The following NAV3 variants were observed in gnomAD, a reference collection of about 807,000 sequenced individuals.
NAV3 encodes the protein neuron navigator 3.
Under a neutral mutation model 244.7 loss-of-function variants are expected in NAV3, and 87 were observed. The observed-to-expected ratio is 0.36, with a 90% CI of 0.30 to 0.42. The LOEUF is 0.42. Among genes scored for constraint, NAV3 ranks in the 20% least tolerant of loss-of-function variants. The probability of loss-of-function intolerance (pLI) is 1.00; values close to 1 mark genes in which losing one functional copy is unlikely to be tolerated. For missense variants in NAV3, 2,663 were observed against 2,893.3 expected, an observed-to-expected ratio of 0.92 and a Z score of 1.83; for synonymous variants, 1,126 against 1,042.2, an observed-to-expected ratio of 1.08 and a Z score of -1.55.
chr12:78,091,901 A>G (rs1389321733), intron 12 of NAV3, among the ~76,000 whole-genome samples: 1 of 152,078 alleles, frequency 6.6e-6, no homozygotes, highest in Non-Finnish European at 1.5e-5. Context: ...CAGAATCACT[A>G]TCCTGCATAG....
chr12:77,673,654 G>A (rs1874086088), intron 2 of NAV3, among the ~76,000 whole-genome samples: 1 of 151,924 alleles, frequency 6.6e-6, no homozygotes, highest in Non-Finnish European at 1.5e-5. Flanking sequence ...TATGGTGTTT[G>A]ATATCAAACC....
In NAV3 at chr12:77,693,058, A is replaced by G. The variant is rs543875157; in HGVS notation, c.72+120792A>G. Among the ~76,000 whole-genome samples, 7 of 152,244 alleles carry G rather than the reference A, an allele frequency of 4.6e-5. No homozygotes were observed. The South Asian group carries it at 1.0e-3, about 23-fold the overall frequency. On this transcript the variant is annotated intron_variant, in intron 2 of 8. Transcript: ENST00000550042. ...CAGCGTGTATAAAAGCCCTCCAAAA[A>G]ATAGAAAGAAAGCCAAAGTGTCCAG... is the stretch of plus-strand genomic sequence containing the variant.
At chr12:78,183,273 C>A (rs993602986) in intron 30 of NAV3, among the ~76,000 whole-genome samples, 3 of 151,970 alleles carry the variant, frequency 2.0e-5, no homozygotes, top group Non-Finnish European at 4.4e-5. Flanking sequence ...ATTCTCTGAA[C>A]TGGGGAGATT....
At chr12:77,588,637 C>G (rs1480875917) in intron 2 of NAV3, among the ~76,000 whole-genome samples, 1 of 152,096 alleles carries the variant, frequency 6.6e-6, no homozygotes, top group East Asian at 1.9e-4. Flanking sequence ...AGTACCTAGC[C>G]TAGGGCCTAG....
At position 78,117,374 on chromosome 12, in the gene NAV3, AT is replaced by A. The variant is rs1288460964; in HGVS notation, c.2769+474del. On this transcript the variant is annotated intron_variant, in intron 13 of 39. Transcript: ENST00000397909. ...AATATATAACATATAATAGATATAT[AT>A]TTTATATATTATATAAATATATATT... is the stretch of plus-strand genomic sequence containing the variant. Among the ~76,000 whole-genome samples, 21 of 144,850 alleles carry A rather than the reference AT, an allele frequency of 1.4e-4. No individual in the cohort carries two copies. In the East Asian group the frequency reaches 4.2e-3, roughly 29 times the overall value.
chr12:77,608,401 G>T (rs1362742419), intron 2 of NAV3, among the ~76,000 whole-genome samples: 1 of 152,052 alleles, frequency 6.6e-6, no homozygotes, highest in Non-Finnish European at 1.5e-5. Flanking sequence ...CAAGTCCTTA[G>T]TAGAATTAAT....
intron 22 of NAV3, among the ~76,000 whole-genome samples, chr12:78,151,606 T>G (rs395765): frequency 0.33 from 50,560 of 151,682 alleles, 8,792 homozygotes; most frequent in East Asian, 0.48. Flanking sequence ...GAGAACAGAT[T>G]AGTGATTGCT....
chr12:77,789,122 T>G (rs548832496), intron 2 of NAV3, among the ~76,000 whole-genome samples: 1 of 152,238 alleles, frequency 6.6e-6, no homozygotes, highest in Non-Finnish European at 1.5e-5. Flanking sequence ...CTTTAATCAT[T>G]ATTTTGCTTG....
chr12:77,954,347 C>A (rs190557251), intron 3 of NAV3, among the ~76,000 whole-genome samples: 1 of 152,088 alleles, frequency 6.6e-6, no homozygotes, highest in Non-Finnish European at 1.5e-5. Flanking sequence ...TCAGAGGCTG[C>A]GAATAGCTTA....
intron 1 of NAV3, among the ~76,000 whole-genome samples, chr12:77,919,181 G>T (rs985003744): frequency 2.0e-5 from 3 of 152,126 alleles, no homozygotes; most frequent in South Asian, 4.1e-4. Flanking sequence ...TTATGTCTAT[G>T]GCCAGAGAAA....
intron 4 of NAV3, among the ~76,000 whole-genome samples, chr12:77,967,677 A>AT (rs1313513488): frequency 5.9e-5 from 9 of 151,840 alleles, no homozygotes; most frequent in South Asian, 4.2e-4. Context: ...CTCTTTTCCT[A>AT]TTTTTTTAAG....
chr12:78,192,415 T>G (rs1959023171), intron 34 of NAV3, among the ~76,000 whole-genome samples: 1 of 150,284 alleles, frequency 6.7e-6, no homozygotes, highest in Non-Finnish European at 1.5e-5. Context: ...TTTTATTTAT[T>G]TTTTTTTTGA....
chr12:77,997,391 G>A (rs1872544561), intron 6 of NAV3, among the ~76,000 whole-genome samples: 1 of 151,760 alleles, frequency 6.6e-6, no homozygotes. Context: ...TTACATAATC[G>A]GTCATTGAAA....
chr12:78,210,566 C>T lies in NAV3; in HGVS notation c.*49C>T, dbSNP rs757324672. On this transcript the variant is annotated 3_prime_UTR_variant, in exon 40 of 40. Coordinates refer to ENST00000397909, the MANE Select transcript of NAV3 (RefSeq NM_001024383.2). Reference sequence around the variant, plus strand: ...AGACTTTGCTTTTAAAAAAATGTTTCAAAAGAAAGGTATTTTCACTAAACC... The same window carrying T: ...AGACTTTGCTTTTAAAAAAATGTTTTAAAAGAAAGGTATTTTCACTAAACC... 64 of 1,598,180 alleles carry T rather than the reference C, an allele frequency of 4.0e-5. No individual in the cohort carries two copies. Among genetic ancestry groups the T allele is most frequent in the Non-Finnish European group, 5.3e-5 (62 of 1,173,000 alleles).
chr12:77,582,296 T>A (rs1022386171), intron 2 of NAV3, among the ~76,000 whole-genome samples: 14 of 152,242 alleles, frequency 9.2e-5, no homozygotes, highest in Admixed American at 7.9e-4. Flanking sequence ...TAAATTTGTA[T>A]GCCACATGCG....
At chr12:77,953,993 C>G (rs1891134483) in intron 3 of NAV3, among the ~76,000 whole-genome samples, 1 of 152,144 alleles carries the variant, frequency 6.6e-6, no homozygotes, top group Non-Finnish European at 1.5e-5. Flanking sequence ...GTCAGCAGTA[C>G]TGTACGTCTT....
At chr12:77,895,570 G>C (rs1366420313) in intron 1 of NAV3, among the ~76,000 whole-genome samples, 1 of 151,886 alleles carries the variant, frequency 6.6e-6, no homozygotes, top group African/African-American at 2.4e-5. Context: ...ATTCTCAGTA[G>C]TTCTCTAATT....
At position 77,939,793 on chromosome 12, in the gene NAV3, C is replaced by T. The variant is rs753137646; in HGVS notation, c.244-526C>T. On this transcript the variant is annotated intron_variant, in intron 1 of 39. Transcript: ENST00000397909. ...CATTTCAAGAGGCTTAAATGGAAGA[C>T]GACAATCCAAATCAAATTTCTTAGA... is the stretch of plus-strand genomic sequence containing the variant. 9.2e-5 allele frequency among the ~76,000 whole-genome samples: 14 copies of T among 152,170 alleles called. No homozygotes were observed. The East Asian group carries it at 9.7e-4, about 11-fold the overall frequency.
chr12:78,129,486 A>G (rs952405290), intron 18 of NAV3, among the ~76,000 whole-genome samples: 1 of 152,182 alleles, frequency 6.6e-6, no homozygotes, highest in Non-Finnish European at 1.5e-5. Flanking sequence ...TTACCAACTT[A>G]GTCATTGGGT....
Sources: gnomAD v4.1 joint callset for allele counts (sites outside exome capture counted in the v4.1 genomes callset) on GRCh38, gnomAD v4.1.1 for gene constraint, MANE v1.5 for transcripts, NCBI Gene and HGNC (gene_info 2026-07-23, HGNC 2026-07-21) for gene names.